Variants in BRWD1 observed in about 807,000 individuals in gnomAD.
BRWD1 encodes the protein bromodomain and WD repeat-containing protein 1.
BRWD1 carries 82 observed loss-of-function variants against 251.2 expected under a neutral mutation model. The ratio of observed to expected loss-of-function variants is 0.33; its 90% CI spans 0.27 to 0.39. The LOEUF (loss-of-function observed/expected upper bound fraction) is 0.39. Ranked by LOEUF, BRWD1 falls within the 10% of genes least tolerant of loss-of-function variation. The pLI is 1.00. For synonymous variants in BRWD1, 918 were observed against 902.8 expected (o/e 1.02, Z -0.30); for missense variants, 2,233 against 2,711.6 (o/e 0.82, Z 3.92).
chr21:39,200,393 A>G lies in BRWD1; in HGVS notation c.4586-7T>C. 6.2e-7 allele frequency: 1 copy of G among 1,610,100 alleles called. No homozygotes were observed. The highest frequency in any genetic ancestry group is 8.5e-7 in the Non-Finnish European group (1 of 1,178,198). On this transcript the variant is annotated splice_region_variant and splice_polypyrimidine_tract_variant and intron_variant, in intron 38 of 40. Coordinates refer to ENST00000342449, the MANE Select transcript of BRWD1 (RefSeq NM_033656.4). ...GAATCTTCCACTTCACTTTCTAGGA[A>G]AAATAAAGTGTAAATAGTTACATAT... is the stretch of plus-strand genomic sequence containing the variant.
upstream of BRWD1, chr21:39,314,234 GC>G: frequency 2.2e-6 from 1 of 455,622 alleles, no homozygotes. Context: ...TGGGGCGGGG[GC>G]CTCGTATGCT....
At chr21:39,244,933 T>G (rs1034862430) in intron 21 of BRWD1, among the ~76,000 whole-genome samples, 7 of 144,694 alleles carry the variant, frequency 4.8e-5, no homozygotes, top group Admixed American at 1.4e-4. Context: ...TATATATATA[T>G]ATATATATAT....
intron 4 of BRWD1, among the ~76,000 whole-genome samples, chr21:39,305,269 A>AT (rs1432157042): frequency 6.6e-5 from 10 of 152,112 alleles, no homozygotes; most frequent in Non-Finnish European, 1.5e-4. Flanking sequence ...GTAGTTGGAG[A>AT]TTTTAACAAA....
At position 39,197,031 on chromosome 21, in the gene BRWD1, G is replaced by A; in HGVS notation, c.6038C>T (p.Ala2013Val). 1 of 1,614,106 alleles carries A rather than the reference G, an allele frequency of 6.2e-7. No individual in the cohort carries two copies. Among genetic ancestry groups the A allele is most frequent in the Non-Finnish European group, 8.5e-7 (1 of 1,179,978 alleles). Residue 2013 changes from alanine to valine, a missense_variant, in exon 41 of 41, where the codon GCT becomes GTT. By Grantham distance (64) the Ala-to-Val change is moderately conservative (BLOSUM62 0). Transcript: ENST00000342449. Reference protein sequence around the residue: ...SEGSTKVLSQALNGDSDSEDM... With the variant: ...SEGSTKVLSQVLNGDSDSEDM... ...TTCAGAGTCTGAGTCTCCATTTAGA[G>A]CCTGACTAAGCACTTTTGTACTACC...
Position 39,232,302 on chromosome 21 carries a change from G to GC in BRWD1, c.2893-19dup. ...TATATTACCTACAAAAGGGAAATAT[G>GC]CATTTAAAAATTAAGAGCAATATAA... On this transcript the variant is annotated intron_variant, in intron 24 of 40. Transcript: ENST00000342449. 3.1e-6 allele frequency: 5 copies of GC among 1,604,402 alleles called. No homozygotes were observed. The highest frequency in any genetic ancestry group is 4.3e-6 in the Non-Finnish European group (5 of 1,176,184).
At position 39,277,273 on chromosome 21, in the gene BRWD1, A is replaced by AT; in HGVS notation, c.1081dup (p.Ile361AsnfsTer5). ...TACAGTGTGGCTTTCAAGTTCTGCG[A>AT]TTTTTTCGGGTGCTTCAAAACCCAA... On this transcript the variant is annotated frameshift_variant, in exon 11 of 41. Transcript: ENST00000342449. LOFTEE classifies it high-confidence loss of function. 1.2e-6 allele frequency: 2 copies of AT among 1,610,902 alleles called. No individual in the cohort carries two copies. Among genetic ancestry groups the AT allele is most frequent in the South Asian group, 1.1e-5 (1 of 90,584 alleles).
Position 39,191,173 on chromosome 21 carries a change from A to C in BRWD1, c.*5086T>G, listed in dbSNP as rs1320611676. 2.0e-6 allele frequency: 2 copies of C among 985,168 alleles called. No homozygotes were observed. Among genetic ancestry groups the C allele is most frequent in the Non-Finnish European group, 2.4e-6 (2 of 829,890 alleles). 61.0% of individuals were successfully genotyped at this position (985,168 alleles called of 1,614,324 possible). ...TTTCAATCTACCCTATTACTGTACT[A>C]CTGGAAAGAAACCAGGCCACAGACA... On this transcript the variant is annotated 3_prime_UTR_variant, in exon 41 of 41. Transcript: ENST00000342449.
chr21:39,304,098 G>A (rs1243751687), intron 4 of BRWD1, among the ~76,000 whole-genome samples: 2 of 138,012 alleles, frequency 1.4e-5, no homozygotes, highest in East Asian at 2.1e-4. Context: ...CCGAGATTTC[G>A]CCATTGCACT....
At chr21:39,315,537 G>A (rs2146832444), upstream of BRWD1, among the ~76,000 whole-genome samples, 1 of 152,208 alleles carries the variant, frequency 6.6e-6, no homozygotes, top group Non-Finnish European at 1.5e-5. Flanking sequence ...GAGAGGCTGA[G>A]GCAGGAGAAT....
intron 22 of BRWD1, 50 bp from the exon 23 acceptor site, chr21:39,236,834 G>C (rs1355477645): frequency 6.8e-7 from 1 of 1,471,032 alleles, no homozygotes; most frequent in South Asian, 1.2e-5. Flanking sequence ...TATAAGCACT[G>C]ATAGCAAGTC....
At chr21:39,222,704 T>C (rs762358546) in intron 29 of BRWD1, among the ~76,000 whole-genome samples, 80 of 151,956 alleles carry the variant, frequency 5.3e-4, no homozygotes, top group Non-Finnish European at 9.9e-4. Flanking sequence ...TGTAAGACAA[T>C]GAAAACAAAA....
intron 26 of BRWD1, 25 bp downstream of exon 26, chr21:39,229,286 AT>A (rs1023677667): frequency 4.5e-6 from 7 of 1,546,436 alleles, no homozygotes; most frequent in Non-Finnish European, 6.2e-6. Context: ...AATTTAAGTA[AT>A]TCCATTTTAA....
chr21:39,296,125 A>G, intron 6 of BRWD1, 140 bp downstream of exon 6: 1 of 671,910 alleles, frequency 1.5e-6, no homozygotes, highest in Non-Finnish European at 2.2e-6. Flanking sequence ...TTTAACAATA[A>G]TTTGACATTT....
At position 39,298,600 on chromosome 21, in the gene BRWD1, T is replaced by C; in HGVS notation, c.199-18A>G. 6.4e-7 allele frequency: 1 copy of C among 1,565,432 alleles called. No homozygotes were observed. The highest frequency in any genetic ancestry group is 8.6e-7 in the Non-Finnish European group (1 of 1,159,708). The stretch of plus-strand genomic sequence containing the variant: ...GACAAGACCTAGTTGGAGAGCAAGT[T>C]TTAATGACAACAGCTTAATAATATC... On this transcript the variant is annotated intron_variant, in intron 4 of 40. Transcript: ENST00000342449.
At chr21:39,276,035 A>T (rs1020873122) in intron 12 of BRWD1, 138 bp downstream of exon 12, 3 of 715,020 alleles carry the variant, frequency 4.2e-6, no homozygotes, top group Non-Finnish European at 5.6e-6. Context: ...TCCATCTCAA[A>T]AAATAAATAA....
At chr21:39,287,617 A>C (rs1023108439) in intron 8 of BRWD1, among the ~76,000 whole-genome samples, 11 of 152,268 alleles carry the variant, frequency 7.2e-5, no homozygotes, top group Middle Eastern at 3.4e-3. Flanking sequence ...AAATCTGATA[A>C]TGGTTATTTG....
At chr21:39,206,365 TTA>T in intron 36 of BRWD1, 91 bp from the exon 37 acceptor site, 1 of 961,334 alleles carries the variant, frequency 1.0e-6, no homozygotes, top group East Asian at 2.7e-5. Flanking sequence ...TTGCAATGTA[TTA>T]TATCACTGCT....
At chr21:39,230,484 G>C (rs759524634) in intron 25 of BRWD1, among the ~76,000 whole-genome samples, 3 of 152,208 alleles carry the variant, frequency 2.0e-5, no homozygotes, top group Non-Finnish European at 4.4e-5. Flanking sequence ...ATAGGGATAG[G>C]TTCCTGCAAA....
intron 17 of BRWD1, 61 bp downstream of exon 17, chr21:39,264,399 T>C: frequency 2.9e-6 from 3 of 1,024,378 alleles, no homozygotes; most frequent in Non-Finnish European, 4.1e-6. Flanking sequence ...ATTATTTATA[T>C]TATACTTTAA....
Sources: gnomAD v4.1 joint callset for allele counts (sites outside exome capture counted in the v4.1 genomes callset) on GRCh38, gnomAD v4.1.1 for gene constraint, MANE v1.5 for transcripts, NCBI Gene and HGNC (gene_info 2026-07-23, HGNC 2026-07-21) for gene names.